The following DYRK1A variants were observed in gnomAD, a reference collection of about 807,000 sequenced individuals.
DYRK1A encodes dual specificity tyrosine phosphorylation regulated kinase 1A.
In DYRK1A, 9 loss-of-function variants were observed where a neutral mutation model predicts 79.7. The observed-to-expected ratio is 0.11, with a 90% CI of 0.07 to 0.20. The LOEUF (loss-of-function observed/expected upper bound fraction) is 0.20. Ranked by LOEUF, DYRK1A falls within the 10% of genes least tolerant of loss-of-function variation. DYRK1A has a pLI of 1.00. For synonymous variants in DYRK1A, 349 were observed against 329.7 expected, an observed-to-expected ratio of 1.06 and a Z score of -0.63; for missense variants, 622 against 956.0, an observed-to-expected ratio of 0.65 and a Z score of 4.61.
At chr21:37,505,937 G>C (rs773689012) in intron 10 of DYRK1A, among the ~76,000 whole-genome samples, 162 bp from the exon 11 acceptor site, 2 of 152,192 alleles carry the variant, frequency 1.3e-5, no homozygotes, top group Non-Finnish European at 2.9e-5. Context: ...GTTTTAGTCA[G>C]AGAATATGAA....
Position 37,522,030 on chromosome 21 carries a change from A to G in DYRK1A, c.*9499A>G, listed in dbSNP as rs1248846989. Reference sequence around the variant, plus strand: ...TAGGCAACTGATGGCGAAGGGGATGACCTAGAGGGAGTTGGGAGGACAGCC... The same window carrying G: ...TAGGCAACTGATGGCGAAGGGGATGGCCTAGAGGGAGTTGGGAGGACAGCC... On this transcript the variant is annotated 3_prime_UTR_variant, in exon 12 of 12. Coordinates refer to ENST00000647188, the MANE Select transcript of DYRK1A (RefSeq NM_001347721.2). 1 of 152,170 alleles carries G rather than the reference A, an allele frequency of 6.6e-6. No individual in the cohort carries two copies. The highest frequency in any genetic ancestry group is 6.5e-5 in the Admixed American group (1 of 15,270). 9.4% of individuals were successfully genotyped at this position (152,170 alleles called of 1,614,324 possible).
intron 2 of DYRK1A, among the ~76,000 whole-genome samples, chr21:37,435,346 G>A (rs2050893265): frequency 6.6e-6 from 1 of 152,214 alleles, no homozygotes; most frequent in Admixed American, 6.5e-5. Context: ...CTGGGGTTCA[G>A]GGATGGTTTC....
At chr21:37,435,046 T>C (rs1303635553) in intron 2 of DYRK1A, among the ~76,000 whole-genome samples, 4 of 152,262 alleles carry the variant, frequency 2.6e-5, no homozygotes, top group Non-Finnish European at 5.9e-5. Context: ...CTGCATGTTA[T>C]TCCATGGGAT....
intron 11 of DYRK1A, among the ~76,000 whole-genome samples, chr21:37,511,327 A>C: frequency 6.6e-6 from 1 of 152,266 alleles, no homozygotes; most frequent in Admixed American, 6.5e-5. Flanking sequence ...TGTTCCTGCT[A>C]CCCTTTGGAG....
At chr21:37,462,826 A>C (rs2051887942) in intron 2 of DYRK1A, among the ~76,000 whole-genome samples, 1 of 152,030 alleles carries the variant, frequency 6.6e-6, no homozygotes, top group Admixed American at 6.6e-5. Flanking sequence ...ACCAAGAGTG[A>C]TTTCTTTTTT....
chr21:37,430,177 C>A, intron 2 of DYRK1A: 1 of 462,736 alleles, frequency 2.2e-6, no homozygotes, highest in Non-Finnish European at 2.8e-6. Flanking sequence ...TACCTCACAG[C>A]TGTTACCCAC....
Position 37,420,325 on chromosome 21 carries a change from C to A in DYRK1A, c.-50C>A. On this transcript the variant is annotated 5_prime_UTR_variant, in exon 2 of 12. Transcript: ENST00000647188. ...GTTATAGTTTTGCCGCTGGACTCTTCCCTCCCTTCCCCCACCCCATCAGGA... is the reference window on the plus strand; with the variant it reads ...GTTATAGTTTTGCCGCTGGACTCTTACCTCCCTTCCCCCACCCCATCAGGA... 1 of 1,591,222 alleles carries A rather than the reference C, an allele frequency of 6.3e-7. No individual in the cohort carries two copies. Among genetic ancestry groups the A allele is most frequent in the Non-Finnish European group, 8.6e-7 (1 of 1,161,586 alleles).
intron 1 of DYRK1A, among the ~76,000 whole-genome samples, chr21:37,415,750 A>AGCT (rs2050326159): frequency 6.6e-6 from 1 of 152,136 alleles, no homozygotes; most frequent in African/African-American, 2.4e-5. Context: ...TACAGGCATG[A>AGCT]GCTGCTGTGC....
chr21:37,431,556 C>G (rs2050776189), intron 2 of DYRK1A, among the ~76,000 whole-genome samples: 1 of 152,140 alleles, frequency 6.6e-6, no homozygotes, highest in African/African-American at 2.4e-5. Flanking sequence ...ACATGTTTTA[C>G]CCATTACCTC....
chr21:37,491,651 GTT>G (rs2148616444), intron 7 of DYRK1A, among the ~76,000 whole-genome samples: 1 of 152,274 alleles, frequency 6.6e-6, no homozygotes, highest in East Asian at 1.9e-4. Context: ...AGGGAGCAAA[GTT>G]TGCAGTTTTA....
intron 1 of DYRK1A, among the ~76,000 whole-genome samples, chr21:37,406,757 CTATATATG>C (rs950260363): frequency 2.0e-5 from 3 of 146,744 alleles, no homozygotes; most frequent in African/African-American, 7.7e-5. Flanking sequence ...CTCTATATAT[CTATATATG>C]TATATATCTC....
chr21:37,397,177 G>T (rs9982117), intron 1 of DYRK1A, among the ~76,000 whole-genome samples: 1 of 152,140 alleles, frequency 6.6e-6, no homozygotes, highest in Non-Finnish European at 1.5e-5. Context: ...AGCCTGGGAG[G>T]TATAACCTAG....
At chr21:37,482,564 A>G (rs1282026236) in intron 5 of DYRK1A, among the ~76,000 whole-genome samples, 7 of 152,234 alleles carry the variant, frequency 4.6e-5, no homozygotes, top group Non-Finnish European at 1.0e-4. Flanking sequence ...CCACAGGACC[A>G]GGGCGAAATT....
intron 5 of DYRK1A, among the ~76,000 whole-genome samples, chr21:37,485,823 C>A (rs776187359): frequency 1.3e-5 from 2 of 152,100 alleles, no homozygotes; most frequent in Non-Finnish European, 2.9e-5. Flanking sequence ...TGCTCATGAA[C>A]GCTGTGCTTT....
At chr21:37,385,418 T>C (rs1354727304) in intron 1 of DYRK1A, among the ~76,000 whole-genome samples, 1 of 152,206 alleles carries the variant, frequency 6.6e-6, no homozygotes, top group East Asian at 1.9e-4. Flanking sequence ...TTGTACGCTG[T>C]CAATCAGCAA....
intron 2 of DYRK1A, among the ~76,000 whole-genome samples, chr21:37,440,053 TTC>T (rs1008552898): frequency 1.3e-5 from 2 of 151,564 alleles, no homozygotes; most frequent in Non-Finnish European, 2.9e-5. Flanking sequence ...TTTTATTGAT[TTC>T]TGTTTTTCTG....
At chr21:37,399,911 T>C (rs946571333) in intron 1 of DYRK1A, among the ~76,000 whole-genome samples, 3 of 152,248 alleles carry the variant, frequency 2.0e-5, no homozygotes, top group Admixed American at 2.0e-4. Flanking sequence ...TGGAAAACTT[T>C]TTTTAACCTA....
chr21:37,398,323 CAG>C (rs1310866209), intron 1 of DYRK1A, among the ~76,000 whole-genome samples: 2 of 148,244 alleles, frequency 1.3e-5, no homozygotes, highest in Non-Finnish European at 3.0e-5. Context: ...GCCTGGGTGA[CAG>C]AGTGAGATCC....
intron 1 of DYRK1A, among the ~76,000 whole-genome samples, chr21:37,413,739 T>G (rs1161940694): frequency 6.6e-6 from 1 of 152,156 alleles, no homozygotes; most frequent in Non-Finnish European, 1.5e-5. Flanking sequence ...TCTTCTAAGT[T>G]CCTCTTAAGA....
Sources: gnomAD v4.1 joint callset for allele counts (sites outside exome capture counted in the v4.1 genomes callset) on GRCh38, gnomAD v4.1.1 for gene constraint, MANE v1.5 for transcripts, NCBI Gene and HGNC (gene_info 2026-07-23, HGNC 2026-07-21) for gene names.